Variants in ZBTB43 observed in about 807,000 individuals in gnomAD.
The protein encoded by ZBTB43 is zinc finger and BTB domain containing 43.
In ZBTB43, 6 loss-of-function variants were observed where a neutral mutation model predicts 31.1. The ratio of observed to expected loss-of-function variants is 0.19; its 90% CI spans 0.11 to 0.38. The LOEUF (loss-of-function observed/expected upper bound fraction) is 0.38, where lower values mean the gene tolerates loss of function less well. ZBTB43 is among the 10% of genes least tolerant of loss of function. ZBTB43 has a pLI of 1.00. For synonymous variants in ZBTB43, 212 were observed against 221.7 expected (o/e 0.96, Z 0.39); for missense variants, 379 against 602.1 (o/e 0.63, Z 3.88).
chr9:126,811,617 CTTTAT>C (rs1291965127), intron 2 of ZBTB43, among the ~76,000 whole-genome samples: 4 of 152,176 alleles, frequency 2.6e-5, no homozygotes, highest in African/African-American at 4.8e-5. Context: ...TTGCATTACT[CTTTAT>C]TTTATTTATT....
intron 2 of ZBTB43, among the ~76,000 whole-genome samples, chr9:126,823,065 G>C (rs1350623303): frequency 6.6e-6 from 1 of 152,002 alleles, no homozygotes; most frequent in Non-Finnish European, 1.5e-5. Flanking sequence ...CGGTGTTCTT[G>C]AACTGAACCA....
intron 2 of ZBTB43, among the ~76,000 whole-genome samples, chr9:126,813,384 C>T (rs2032293240): frequency 6.6e-6 from 1 of 152,206 alleles, no homozygotes; most frequent in South Asian, 2.1e-4. Context: ...ATCAACCTTC[C>T]TTAACCATGC....
At chr9:126,806,862 A>G (rs1418180855) in intron 1 of ZBTB43, among the ~76,000 whole-genome samples, 1 of 152,084 alleles carries the variant, frequency 6.6e-6, no homozygotes, top group Non-Finnish European at 1.5e-5. Flanking sequence ...CAGGCTTTCT[A>G]CTTACTTTCT....
rs1414983861 is a variant in ZBTB43, at chr9:126,814,687, G to A, written c.-24+5772G>A. Among the ~76,000 whole-genome samples, 8 of 152,048 alleles carry A rather than the reference G, an allele frequency of 5.3e-5. No homozygotes were observed. In the East Asian group the frequency reaches 1.5e-3, roughly 29 times the overall value. On this transcript the variant is annotated intron_variant, in intron 2 of 2. Transcript: ENST00000373464. Reference sequence around the variant, plus strand: ...GGATGCCCGTAGTCCCAGCTACTTGGGAGGCTGAGGCAGGAGAATGGTGTG... The same window carrying A: ...GGATGCCCGTAGTCCCAGCTACTTGAGAGGCTGAGGCAGGAGAATGGTGTG...
chr9:126,815,164 T>A (rs2119124367), intron 2 of ZBTB43, among the ~76,000 whole-genome samples: 1 of 150,398 alleles, frequency 6.6e-6, no homozygotes. Flanking sequence ...GTATAAAATG[T>A]ATGTGTGTAT....
In ZBTB43 at chr9:126,833,927, C is replaced by A; in HGVS notation, c.*14C>A. 6.4e-7 allele frequency: 1 copy of A among 1,557,434 alleles called. No individual in the cohort carries two copies. The highest frequency in any genetic ancestry group is 1.7e-4 in the Middle Eastern group (1 of 5,806). ...GAGGCTAACTAAAAATAGGATCTGGCCCTTGAGTGGCATGCACAAAAATAA... is the reference window on the plus strand; with the variant it reads ...GAGGCTAACTAAAAATAGGATCTGGACCTTGAGTGGCATGCACAAAAATAA... On this transcript the variant is annotated 3_prime_UTR_variant, in exon 3 of 3. Transcript: ENST00000373464. This position sits in a 1 kb window ranked among gnomAD's most constrained non-coding sequence, Gnocchi z 7.9.
rs77644646 is a variant in ZBTB43 at position 126,831,270 on chromosome 9, C to G, written c.-23-1217C>G. On this transcript the variant is annotated intron_variant, in intron 2 of 2. Coordinates refer to ENST00000373464, the MANE Select transcript of ZBTB43 (RefSeq NM_014007.4). Reference sequence around the variant, plus strand: ...CCTCGGAGCCTTTGCGTATGCTTTTCCTTGTTCCCACCATTCTGTTCTCCC... The same window carrying G: ...CCTCGGAGCCTTTGCGTATGCTTTTGCTTGTTCCCACCATTCTGTTCTCCC... 3,326 of 152,360 alleles carry G rather than the reference C, an allele frequency of 0.022. 433 individuals are homozygous for G. The East Asian group carries it at 0.38, about 18-fold the overall frequency. The allele number at this position is 152,360 out of a possible 1,614,324, so 9.4% of individuals were successfully genotyped here. A position where few individuals can be genotyped will look rare whatever the true frequency, so the allele number is the denominator to read the frequency against.
chr9:126,804,139 A>G (rs2032073147), upstream of ZBTB43, among the ~76,000 whole-genome samples: 1 of 152,202 alleles, frequency 6.6e-6, no homozygotes, highest in South Asian at 2.1e-4. Flanking sequence ...TCCCACCGCT[A>G]AAGACCTATC....
intron 2 of ZBTB43, among the ~76,000 whole-genome samples, chr9:126,824,645 G>A (rs2032593568): frequency 6.6e-6 from 1 of 152,122 alleles, no homozygotes; most frequent in Admixed American, 6.5e-5. Context: ...AAAATTAGCT[G>A]TTAATTTTAG....
chr9:126,830,311 T>C (rs1179694647), intron 2 of ZBTB43, among the ~76,000 whole-genome samples: 5 of 152,260 alleles, frequency 3.3e-5, no homozygotes, highest in Non-Finnish European at 7.3e-5. Context: ...AAGATGACTT[T>C]CAGTCTTTGT....
At chr9:126,827,320 C>T (rs894813107) in intron 2 of ZBTB43, among the ~76,000 whole-genome samples, 1 of 152,180 alleles carries the variant, frequency 6.6e-6, no homozygotes. Flanking sequence ...CAAAGCTGAG[C>T]GGGTTTGCCA....
At chr9:126,818,725 G>C (rs946190325) in intron 2 of ZBTB43, among the ~76,000 whole-genome samples, 4 of 152,160 alleles carry the variant, frequency 2.6e-5, no homozygotes, top group Non-Finnish European at 4.4e-5. Flanking sequence ...CCACTTGCTG[G>C]TGGTGTATAA....
At chr9:126,809,300 C>T (rs1019417171) in intron 2 of ZBTB43, among the ~76,000 whole-genome samples, 3 of 152,244 alleles carry the variant, frequency 2.0e-5, no homozygotes, top group East Asian at 1.9e-4. Context: ...TGTTGCACAA[C>T]GCAGGTTTAC....
In ZBTB43 at chr9:126,821,788, C is replaced by T. The variant is rs567546428; in HGVS notation, c.-23-10699C>T. Among the ~76,000 whole-genome samples, 10 of 152,278 alleles carry T rather than the reference C, an allele frequency of 6.6e-5. 1 individual carries two copies. The Middle Eastern group carries it at 0.017, about 259-fold the overall frequency. On this transcript the variant is annotated intron_variant, in intron 2 of 2. Coordinates refer to ENST00000373464, the MANE Select transcript of ZBTB43 (RefSeq NM_014007.4). ...CTTTTCTAACCTGTGGCCCCCAGGA[C>T]GGCTTTTCTAACCTGTGGCCCAGGA...
At chr9:126,827,880 G>T (rs954728193) in intron 2 of ZBTB43, among the ~76,000 whole-genome samples, 6 of 152,086 alleles carry the variant, frequency 3.9e-5, no homozygotes, top group Non-Finnish European at 8.8e-5. Context: ...GGGCATGGTG[G>T]CACATGCCTG....
rs1265299563 is a variant in ZBTB43, at chr9:126,817,152, C to G, written c.-24+8237C>G. On this transcript the variant is annotated intron_variant, in intron 2 of 2. Transcript: ENST00000373464. ...TTGAGACAGAGTCTTTCTCTGTCAC[C>G]CAGGCTGGAGTGCAGTGGTGGCAGT... Among the ~76,000 whole-genome samples the G allele has an allele frequency of 2.8e-5, 4 of 140,706 alleles. No individual in the cohort carries two copies. The East Asian group carries it at 6.0e-4, about 21-fold the overall frequency. The allele number at this position is 140,706 out of a possible 152,430, so 92.3% of individuals were successfully genotyped here.
chr9:126,810,778 C>T (rs2032230796), intron 2 of ZBTB43, among the ~76,000 whole-genome samples: 1 of 151,344 alleles, frequency 6.6e-6, no homozygotes, highest in Non-Finnish European at 1.5e-5. Flanking sequence ...ACTGGGATTA[C>T]AGGAGTGAGC....
intron 2 of ZBTB43, chr9:126,831,326 A>G (rs770444860): frequency 6.6e-6 from 1 of 152,218 alleles, no homozygotes; most frequent in African/African-American, 2.4e-5. Context: ...AATATCAGTT[A>G]AATCTGAGGC....
intron 2 of ZBTB43, among the ~76,000 whole-genome samples, chr9:126,817,720 C>T (rs2032420174): frequency 6.6e-6 from 1 of 152,168 alleles, no homozygotes; most frequent in Non-Finnish European, 1.5e-5. Context: ...TCGTGATCCA[C>T]CCACCTCGGC....
Sources: allele counts gnomAD v4.1 joint callset (sites outside exome capture counted in the v4.1 genomes callset), GRCh38; gene constraint gnomAD v4.1.1; non-coding constraint Gnocchi (gnomAD v3.1); transcripts MANE v1.5; gene names NCBI Gene and HGNC (gene_info 2026-07-23, HGNC 2026-07-21).